Variants in ANKHD1 observed in about 807,000 individuals in gnomAD.
ANKHD1 encodes ankyrin repeat and KH domain containing 1, also known as ankyrin repeat and KH domain-containing protein 1.
A neutral mutation model predicts 230.5 loss-of-function variants in ANKHD1; 31 were observed. The ratio of observed to expected loss-of-function variants is 0.13; its 90% CI spans 0.10 to 0.18. ANKHD1 has a LOEUF of 0.18. Ranked by LOEUF, ANKHD1 falls within the 10% of genes least tolerant of loss-of-function variation. The probability of loss-of-function intolerance (pLI) is 1.00; values close to 1 mark genes in which losing one functional copy is unlikely to be tolerated. For synonymous variants in ANKHD1, 1,074 were observed against 1,117.6 expected, an observed-to-expected ratio of 0.96 and a Z score of 0.78; for missense variants, 2,256 against 3,071.3, an observed-to-expected ratio of 0.73 and a Z score of 6.27.
At chr5:140,469,101 C>T (rs1020618061) in intron 10 of ANKHD1, among the ~76,000 whole-genome samples, 38 of 152,100 alleles carry the variant, frequency 2.5e-4, no homozygotes, top group Admixed American at 5.2e-4. Context: ...TCCCCTCCTT[C>T]CTTCCCTCCC....
chr5:140,442,213 G>A (rs1024660563), intron 5 of ANKHD1, among the ~76,000 whole-genome samples: 3 of 151,310 alleles, frequency 2.0e-5, no homozygotes, highest in Admixed American at 6.6e-5. Context: ...CTAATTTTTT[G>A]TACTTTTTTA....
chr5:140,463,642 A>G (rs1775879077), intron 9 of ANKHD1, among the ~76,000 whole-genome samples: 1 of 151,932 alleles, frequency 6.6e-6, no homozygotes, highest in Admixed American at 6.6e-5. Flanking sequence ...ATTCAGAACC[A>G]CAAGGGTTTT....
intron 3 of ANKHD1, 122 bp downstream of exon 3, chr5:140,438,739 A>G: frequency 7.7e-7 from 1 of 1,295,490 alleles, no homozygotes; most frequent in Non-Finnish European, 1.0e-6. Flanking sequence ...AGGATATTAC[A>G]TTTTAAGTGG....
rs560947548 is a variant in ANKHD1 at position 140,436,208 on chromosome 5, T to G, written c.411T>G (p.Thr137=). 6.2e-7 allele frequency: 1 copy of G among 1,604,006 alleles called. No homozygotes were observed. The highest frequency in any genetic ancestry group is 8.5e-7 in the Non-Finnish European group (1 of 1,176,000). ...SSTAEGADLR[T]VDPETQARLE... ...CTGCAGAAGGAGCAGACTTACGCAC[T>G]GTGGATCCAGAGACACAGGCACGAC... Residue 137 remains threonine (T), a synonymous_variant, in exon 2 of 34, where the codon ACT becomes ACG. Transcript: ENST00000360839.
chr5:140,426,782 A>T (rs1008597096), intron 1 of ANKHD1, among the ~76,000 whole-genome samples: 1 of 152,186 alleles, frequency 6.6e-6, no homozygotes, highest in Non-Finnish European at 1.5e-5. Context: ...CCCTTAATCC[A>T]TTCAACCCTG....
Position 140,445,964 on chromosome 5 carries a change from C to G in ANKHD1, c.1136C>G (p.Ala379Gly). The G allele has an allele frequency of 6.3e-7, 1 of 1,599,808 alleles. No homozygotes were observed. Among genetic ancestry groups the G allele is most frequent in the Non-Finnish European group, 8.5e-7 (1 of 1,171,868 alleles). Residue 379 changes from alanine to glycine, a missense_variant, in exon 6 of 34, where the codon GCT (alanine) becomes GGT (glycine). By Grantham distance (60) the Ala-to-Gly change is moderately conservative. Coordinates refer to ENST00000360839, the MANE Select transcript of ANKHD1 (RefSeq NM_017747.3). ...NEFKESALTL[A>G]CYKGHLDMVR... The stretch of plus-strand genomic sequence containing the variant: ...TTCAAAGAAAGTGCTCTAACACTTG[C>G]TTGCTACAAAGGTACTTAATACATG...
Position 140,458,576 on chromosome 5 carries a change from C to T in ANKHD1, c.1243-49C>T, listed in dbSNP as rs576200187. ...TCTTCTCTCCCACTTAAAAAAATCT[C>T]AAAACAAAAAATTTCTCTCCTTCTT... On this transcript the variant is annotated intron_variant, in intron 7 of 33. Transcript: ENST00000360839. 6 of 1,555,328 alleles carry T rather than the reference C, an allele frequency of 3.9e-6. No homozygotes were observed. The East Asian group carries it at 1.4e-4, about 35-fold the overall frequency.
intron 10 of ANKHD1, among the ~76,000 whole-genome samples, chr5:140,478,363 CTT>C (rs912642983): frequency 1.3e-4 from 17 of 127,816 alleles, no homozygotes; most frequent in Non-Finnish European, 1.9e-4. Context: ...CTTTCTTTTT[CTT>C]TTTTTTTTTT....
intron 1 of ANKHD1, among the ~76,000 whole-genome samples, chr5:140,430,041 T>C (rs764225801): frequency 4.6e-5 from 7 of 152,226 alleles, no homozygotes; most frequent in Non-Finnish European, 8.8e-5. Context: ...ACAAAATGCT[T>C]GTCCCCCTTC....
chr5:140,414,765 C>T (rs945151408), intron 1 of ANKHD1, among the ~76,000 whole-genome samples: 4 of 150,096 alleles, frequency 2.7e-5, no homozygotes, highest in African/African-American at 9.8e-5. Flanking sequence ...CCTGTGTGGT[C>T]GAGGCTGCAA....
intron 10 of ANKHD1, among the ~76,000 whole-genome samples, chr5:140,468,391 T>G (rs1776263593): frequency 6.6e-6 from 1 of 152,162 alleles, no homozygotes; most frequent in East Asian, 1.9e-4. Context: ...CTGAGTGAAC[T>G]ATATTGGGCA....
chr5:140,459,770 ATAAAAT>A (rs926835555), intron 9 of ANKHD1, among the ~76,000 whole-genome samples: 11 of 152,174 alleles, frequency 7.2e-5, no homozygotes, highest in African/African-American at 2.4e-4. Context: ...TCAATTAAAA[ATAAAAT>A]TAAATTAAAT....
intron 10 of ANKHD1, among the ~76,000 whole-genome samples, chr5:140,476,579 A>G (rs1404716440): frequency 6.6e-6 from 1 of 152,090 alleles, no homozygotes; most frequent in Non-Finnish European, 1.5e-5. Flanking sequence ...AAATAACAAT[A>G]CAGAATTCTG....
intron 16 of ANKHD1, 70 bp from the exon 17 acceptor site, chr5:140,505,052 A>T: frequency 6.2e-7 from 1 of 1,603,280 alleles, no homozygotes; most frequent in Non-Finnish European, 8.5e-7. Flanking sequence ...TTGTGAAAAG[A>T]AATATTATTT....
intron 6 of ANKHD1, among the ~76,000 whole-genome samples, chr5:140,448,537 C>T (rs552438882): frequency 6.6e-6 from 1 of 152,284 alleles, no homozygotes; most frequent in South Asian, 2.1e-4. Flanking sequence ...CCACCCTACA[C>T]CCTCACCAAT....
At chr5:140,482,955 C>T (rs1751350224) in intron 11 of ANKHD1, among the ~76,000 whole-genome samples, 1 of 152,306 alleles carries the variant, frequency 6.6e-6, no homozygotes. Flanking sequence ...GGATATGCAA[C>T]AGCTAATGAT....
At chr5:140,408,863 G>A (rs562520818) in intron 1 of ANKHD1, among the ~76,000 whole-genome samples, 3 of 151,924 alleles carry the variant, frequency 2.0e-5, no homozygotes, top group Non-Finnish European at 4.4e-5. Context: ...GGACTACAGG[G>A]GACTATAGGT....
chr5:140,514,297 C>T (rs1042956200), intron 24 of ANKHD1, among the ~76,000 whole-genome samples: 1 of 151,862 alleles, frequency 6.6e-6, no homozygotes, highest in Non-Finnish European at 1.5e-5. Context: ...GAGTTTGAGA[C>T]CAGCCTGGGC....
Position 140,403,603 on chromosome 5 carries a change from A to G in ANKHD1, c.306+1330A>G, listed in dbSNP as rs180763095. 6.0e-4 allele frequency among the ~76,000 whole-genome samples: 91 copies of G among 152,190 alleles called. 2 individuals are homozygous for G. In the East Asian group the frequency reaches 0.014, roughly 24 times the overall value. On this transcript the variant is annotated intron_variant, in intron 1 of 33. Coordinates refer to ENST00000360839, the MANE Select transcript of ANKHD1 (RefSeq NM_017747.3). ...ATATTTTGTATTTTTTAGTAAAGAC[A>G]GGGTTTCACCATGTCCAGGATGGTC...
Sources: allele counts gnomAD v4.1 joint callset (sites outside exome capture counted in the v4.1 genomes callset), GRCh38; gene constraint gnomAD v4.1.1; transcripts MANE v1.5; gene names NCBI Gene and HGNC (gene_info 2026-07-23, HGNC 2026-07-21).